LCLAT1: variants seen among roughly 807,000 people sequenced by gnomAD.
LCLAT1 encodes the protein lysocardiolipin acyltransferase 1.
LCLAT1 carries 11 observed loss-of-function variants against 30.7 expected under a neutral mutation model. The ratio of observed to expected loss-of-function variants is 0.36; its 90% CI spans 0.23 to 0.59. LCLAT1 has a LOEUF of 0.59. LCLAT1 is among the 20% of genes least tolerant of loss of function. The pLI, the probability that LCLAT1 is intolerant of heterozygous loss-of-function variation, is 0.77. For missense variants in LCLAT1, 402 were observed against 458.6 expected, an observed-to-expected ratio of 0.88 and a Z score of 1.13; for synonymous variants, 155 against 151.3, an observed-to-expected ratio of 1.02 and a Z score of -0.18.
intron 1 of LCLAT1, among the ~76,000 whole-genome samples, chr2:30,510,398 G>A (rs1361923785): frequency 1.3e-5 from 2 of 152,122 alleles, no homozygotes; most frequent in African/African-American, 4.8e-5. Flanking sequence ...TAAAGTTTTT[G>A]TTCTGTTTTT....
intron 3 of LCLAT1, among the ~76,000 whole-genome samples, chr2:30,544,109 C>T (rs1243583787): frequency 1.3e-5 from 2 of 152,176 alleles, no homozygotes; most frequent in East Asian, 1.9e-4. Context: ...GCCTTTAGCC[C>T]GAGACTGAAA....
At chr2:30,592,416 C>T (rs1044999056) in intron 5 of LCLAT1, among the ~76,000 whole-genome samples, 1 of 151,888 alleles carries the variant, frequency 6.6e-6, no homozygotes, top group Non-Finnish European at 1.5e-5. Flanking sequence ...CTTGGGAGGT[C>T]GAGGCTGCAG....
intron 5 of LCLAT1, among the ~76,000 whole-genome samples, chr2:30,595,381 G>A (rs1446859423): frequency 6.6e-6 from 1 of 151,990 alleles, no homozygotes; most frequent in Non-Finnish European, 1.5e-5. Flanking sequence ...CTAATGTCTT[G>A]AGTGTAATTA....
rs145110331 is a variant in LCLAT1, at chr2:30,629,291, G to A, written c.629-10826G>A. On this transcript the variant is annotated intron_variant, in intron 5 of 5. Coordinates refer to ENST00000379509, the MANE Select transcript of LCLAT1 (RefSeq NM_001002257.3). The stretch of plus-strand genomic sequence containing the variant: ...AATACAAAATGAGGCTGAGCATGGT[G>A]GCTCACCCCTGTAATCTCAGCACTT... 2.8e-4 allele frequency among the ~76,000 whole-genome samples: 43 copies of A among 152,256 alleles called. 1 individual carries two copies. The East Asian group carries it at 8.3e-3, about 29-fold the overall frequency.
At chr2:30,480,051 C>T (rs1478325245) in intron 1 of LCLAT1, among the ~76,000 whole-genome samples, 1 of 152,154 alleles carries the variant, frequency 6.6e-6, no homozygotes, top group East Asian at 1.9e-4. Context: ...CCTTTGAAAA[C>T]ACATTGGAGG....
chr2:30,541,447 GT>G (rs1232525856), intron 3 of LCLAT1, among the ~76,000 whole-genome samples: 1 of 112,106 alleles, frequency 8.9e-6, no homozygotes, highest in Admixed American at 9.8e-5. Flanking sequence ...GAGACTTCTT[GT>G]TTATCCCCCC....
chr2:30,627,550 A>T (rs1301064391), intron 5 of LCLAT1, among the ~76,000 whole-genome samples: 1 of 152,206 alleles, frequency 6.6e-6, no homozygotes, highest in Non-Finnish European at 1.5e-5. Context: ...GGTCTGTATA[A>T]ATCTATTAAG....
intron 5 of LCLAT1, among the ~76,000 whole-genome samples, chr2:30,584,630 A>G (rs1666348021): frequency 3.9e-5 from 6 of 152,202 alleles, no homozygotes; most frequent in Admixed American, 3.3e-4. Flanking sequence ...ATAATTAGAC[A>G]GTGCTTTCTA....
intron 1 of LCLAT1, among the ~76,000 whole-genome samples, chr2:30,494,008 TAAATAAC>T (rs1683972832): frequency 6.6e-6 from 1 of 151,926 alleles, no homozygotes; most frequent in African/African-American, 2.4e-5. Flanking sequence ...GTCCAATAAC[TAAATAAC>T]CAACTAAGTA....
At chr2:30,480,723 T>C (rs945777919) in intron 1 of LCLAT1, among the ~76,000 whole-genome samples, 16 of 152,158 alleles carry the variant, frequency 1.1e-4, no homozygotes, top group Non-Finnish European at 2.4e-4. Context: ...ATTGCAGTTT[T>C]AGCCTGGGCA....
At chr2:30,634,379 A>G (rs1668919876) in intron 5 of LCLAT1, among the ~76,000 whole-genome samples, 1 of 152,196 alleles carries the variant, frequency 6.6e-6, no homozygotes, top group African/African-American at 2.4e-5. Context: ...TAATCCCAAC[A>G]CTTTGGGAGG....
At chr2:30,519,340 C>G (rs1473594307) in intron 1 of LCLAT1, among the ~76,000 whole-genome samples, 1 of 152,202 alleles carries the variant, frequency 6.6e-6, no homozygotes, top group Admixed American at 6.5e-5. Context: ...CTGGACCGGC[C>G]TGCTAGCCCA....
chr2:30,606,314 A>G, intron 5 of LCLAT1: 1 of 291,680 alleles, frequency 3.4e-6, no homozygotes, highest in Non-Finnish European at 6.6e-6. Flanking sequence ...AGCTGGAGGC[A>G]TCACATTACC....
At chr2:30,530,730 G>GC (rs1232737116) in intron 2 of LCLAT1, among the ~76,000 whole-genome samples, 1 of 152,110 alleles carries the variant, frequency 6.6e-6, no homozygotes, top group Non-Finnish European at 1.5e-5. Flanking sequence ...TTTTTGTAGA[G>GC]CTGGAGTCTT....
At chr2:30,602,113 ATAGT>A (rs1476517245) in intron 5 of LCLAT1, among the ~76,000 whole-genome samples, 2 of 152,098 alleles carry the variant, frequency 1.3e-5, no homozygotes, top group African/African-American at 4.8e-5. Flanking sequence ...GTGGCAGGCA[ATAGT>A]TAGATTTAAT....
At chr2:30,542,953 C>CTTTTTTTT (rs34535640) in intron 3 of LCLAT1, among the ~76,000 whole-genome samples, 1 of 124,232 alleles carries the variant, frequency 8.0e-6, no homozygotes, top group Non-Finnish European at 1.7e-5. Flanking sequence ...ACTTTTATGG[C>CTTTTTTTT]TTTTTTTTTT....
rs1028907669 is a variant in LCLAT1 at position 30,642,394 on chromosome 2, TC to T, written c.*1776del. ...GGTTTTACAGCTTGTTTTTTCTTTT[TC>T]TTTTCTTTTTTTTTTTTTTTTTTTA... On this transcript the variant is annotated 3_prime_UTR_variant, in exon 6 of 6. Coordinates refer to ENST00000379509, the MANE Select transcript of LCLAT1 (RefSeq NM_001002257.3). 1 of 36,040 alleles carries T rather than the reference TC, an allele frequency of 2.8e-5. No homozygotes were observed. Among genetic ancestry groups the T allele is most frequent in the Admixed American group, 4.1e-4 (1 of 2,456 alleles). The allele number at this position is 36,040 out of a possible 1,614,324, so 2.2% of individuals were successfully genotyped here.
chr2:30,598,977 TTTTTC>T (rs1304659362), intron 5 of LCLAT1, among the ~76,000 whole-genome samples: 1 of 145,842 alleles, frequency 6.9e-6, no homozygotes, highest in Non-Finnish European at 1.5e-5. Flanking sequence ...TTTCTTTTTT[TTTTTC>T]TTTTCTTTTT....
chr2:30,533,333 A>T lies in LCLAT1; in HGVS notation c.364+19A>T. 1 of 1,598,836 alleles carries T rather than the reference A, an allele frequency of 6.3e-7. No individual in the cohort carries two copies. Among genetic ancestry groups the T allele is most frequent in the Non-Finnish European group, 8.6e-7 (1 of 1,166,198 alleles). ...GGATTTGGTAGGTTATTCACACATT[A>T]TTTTAAGTGGTTCATTCATTTTAGA... On this transcript the variant is annotated intron_variant, in intron 3 of 5. Coordinates refer to ENST00000379509, the MANE Select transcript of LCLAT1 (RefSeq NM_001002257.3).
Sources: allele counts gnomAD v4.1 joint callset (sites outside exome capture counted in the v4.1 genomes callset), GRCh38; gene constraint gnomAD v4.1.1; transcripts MANE v1.5; gene names NCBI Gene and HGNC (gene_info 2026-07-23, HGNC 2026-07-21).